Variants in CLDN10 observed in about 807,000 individuals in gnomAD.
CLDN10 encodes the protein claudin-10.
Under a neutral mutation model 22.9 loss-of-function variants are expected in CLDN10, and 15 were observed. The ratio of observed to expected loss-of-function variants is 0.65; its 90% CI spans 0.44 to 1.01. The LOEUF is 1.01. Ranked by LOEUF, CLDN10 falls within the 50% of genes least tolerant of loss-of-function variation. CLDN10 has a pLI of 0.00. For missense variants in CLDN10, 247 were observed against 287.8 expected, an observed-to-expected ratio of 0.86 and a Z score of 1.03; for synonymous variants, 114 against 111.4, an observed-to-expected ratio of 1.02 and a Z score of -0.15.
chr13:95,490,471 T>C (rs2042861272), intron 1 of CLDN10, among the ~76,000 whole-genome samples: 1 of 152,226 alleles, frequency 6.6e-6, no homozygotes, highest in African/African-American at 2.4e-5. Flanking sequence ...TGTGTCATTA[T>C]TGTCATTCAG....
chr13:95,526,477 T>C (rs960978524), intron 1 of CLDN10, among the ~76,000 whole-genome samples: 1 of 152,218 alleles, frequency 6.6e-6, no homozygotes, highest in Admixed American at 6.5e-5. Flanking sequence ...CTTATGAAAC[T>C]GTCCATTCTC....
At chr13:95,550,085 C>A (rs1369965784), upstream of CLDN10, among the ~76,000 whole-genome samples, 5 of 152,148 alleles carry the variant, frequency 3.3e-5, no homozygotes, top group Admixed American at 3.3e-4. Context: ...AATACTGCTA[C>A]CAAGGCCACC....
rs75562878 is a variant in CLDN10 at position 95,541,306 on chromosome 13, G to A, written c.215-18826G>A. The stretch of plus-strand genomic sequence containing the variant: ...GCTTCTAATTAAGAGGCAACTATAC[G>A]CAAGTGAGCATAATTAGGAGAAACT... On this transcript the variant is annotated intron_variant, in intron 1 of 4. Transcript: ENST00000376873. Among the ~76,000 whole-genome samples the A allele has an allele frequency of 8.5e-5, 13 of 152,296 alleles. No homozygotes were observed. The East Asian group carries it at 2.3e-3, about 27-fold the overall frequency.
At chr13:95,524,229 G>C (rs1295945767) in intron 1 of CLDN10, among the ~76,000 whole-genome samples, 1 of 151,600 alleles carries the variant, frequency 6.6e-6, no homozygotes, top group East Asian at 1.9e-4. Context: ...TTTGGAATTT[G>C]TTGGGCTTCT....
intron 1 of CLDN10, among the ~76,000 whole-genome samples, chr13:95,483,690 G>C (rs2042773727): frequency 6.6e-6 from 1 of 152,196 alleles, no homozygotes; most frequent in South Asian, 2.1e-4. Context: ...ACCTCACCAA[G>C]AGCTCTGGAG....
At chr13:95,566,612 G>C (rs185893658) in intron 3 of CLDN10, among the ~76,000 whole-genome samples, 1 of 152,160 alleles carries the variant, frequency 6.6e-6, no homozygotes, top group Non-Finnish European at 1.5e-5. Flanking sequence ...CTGTGCAGAA[G>C]CTCTTTAGTT....
At chr13:95,469,176 A>G (rs1340064153) in intron 1 of CLDN10, among the ~76,000 whole-genome samples, 1 of 146,652 alleles carries the variant, frequency 6.8e-6, no homozygotes, top group Non-Finnish European at 1.5e-5. Context: ...ATGTGGTCTC[A>G]TGACTGTAGT....
intron 1 of CLDN10, among the ~76,000 whole-genome samples, chr13:95,522,636 T>G (rs1440463259): frequency 6.6e-6 from 1 of 152,076 alleles, no homozygotes; most frequent in African/African-American, 2.4e-5. Context: ...CTTTACTGAT[T>G]TTTTAGATTG....
chr13:95,523,094 T>G (rs573929862), intron 1 of CLDN10, among the ~76,000 whole-genome samples: 2 of 152,172 alleles, frequency 1.3e-5, no homozygotes, highest in African/African-American at 2.4e-5. Flanking sequence ...GTTTTCACCC[T>G]CTTTTTGTCC....
chr13:95,522,917 T>C (rs1433799576), intron 1 of CLDN10, among the ~76,000 whole-genome samples: 2 of 151,976 alleles, frequency 1.3e-5, no homozygotes, highest in Non-Finnish European at 2.9e-5. Context: ...TCATTTTTTA[T>C]CTATCAACTT....
At chr13:95,562,525 A>G (rs2043728815) in intron 3 of CLDN10, among the ~76,000 whole-genome samples, 1 of 152,220 alleles carries the variant, frequency 6.6e-6, no homozygotes, top group African/African-American at 2.4e-5. Flanking sequence ...ATTTTCTCCT[A>G]CTTATCTTTC....
At chr13:95,536,427 C>T (rs971071892) in intron 1 of CLDN10, among the ~76,000 whole-genome samples, 4 of 151,978 alleles carry the variant, frequency 2.6e-5, no homozygotes, top group Admixed American at 1.3e-4. Context: ...CCAGCCCAGG[C>T]GACAGAGCAA....
At chr13:95,435,181 A>G (rs1223073416) in intron 1 of CLDN10, among the ~76,000 whole-genome samples, 1 of 152,202 alleles carries the variant, frequency 6.6e-6, no homozygotes, top group Non-Finnish European at 1.5e-5. Context: ...CATTATGAGA[A>G]TTACTATCTG....
chr13:95,502,998 T>C (rs2043002252), intron 1 of CLDN10, among the ~76,000 whole-genome samples: 1 of 152,228 alleles, frequency 6.6e-6, no homozygotes, highest in South Asian at 2.1e-4. Flanking sequence ...AGGTTCCCAG[T>C]GGCCACCCAA....
intron 1 of CLDN10, among the ~76,000 whole-genome samples, chr13:95,508,812 G>C (rs1276059820): frequency 6.6e-6 from 1 of 152,234 alleles, no homozygotes; most frequent in Non-Finnish European, 1.5e-5. Flanking sequence ...GTGGGTTCCA[G>C]GCTGAAGCAC....
chr13:95,517,608 A>G (rs1234645656), intron 1 of CLDN10, among the ~76,000 whole-genome samples: 1 of 152,290 alleles, frequency 6.6e-6, no homozygotes, highest in Non-Finnish European at 1.5e-5. Flanking sequence ...ATTTCCTGAC[A>G]AGATTCTGAA....
intron 1 of CLDN10, among the ~76,000 whole-genome samples, chr13:95,554,200 T>TC (rs1009705816): frequency 3.3e-5 from 5 of 152,144 alleles, no homozygotes; most frequent in Non-Finnish European, 7.3e-5. Flanking sequence ...CAGTGTTTAT[T>TC]CCCCAGCATT....
chr13:95,549,717 G>T (rs2043545118), upstream of CLDN10, among the ~76,000 whole-genome samples: 1 of 152,182 alleles, frequency 6.6e-6, no homozygotes, highest in South Asian at 2.1e-4. Flanking sequence ...ATAAAGAAAA[G>T]AGTTTAGGGT....
chr13:95,515,640 T>G (rs1175241638), intron 1 of CLDN10, among the ~76,000 whole-genome samples: 4 of 152,130 alleles, frequency 2.6e-5, no homozygotes, highest in Non-Finnish European at 4.4e-5. Flanking sequence ...ACCTCAGAGC[T>G]CACCTTCTCT....
Sources: gnomAD v4.1 joint callset for allele counts (sites outside exome capture counted in the v4.1 genomes callset) on GRCh38, gnomAD v4.1.1 for gene constraint, MANE v1.5 for transcripts, NCBI Gene and HGNC (gene_info 2026-07-23, HGNC 2026-07-21) for gene names.